SGCD: variants seen among roughly 807,000 people sequenced by gnomAD.
SGCD encodes sarcoglycan delta, also known as delta-sarcoglycan.
In SGCD, 18 loss-of-function variants were observed where a neutral mutation model predicts 36.6. The observed-to-expected ratio is 0.49, with a 90% CI of 0.34 to 0.73. The LOEUF (loss-of-function observed/expected upper bound fraction) is 0.73, where lower values mean the gene tolerates loss of function less well. Ranked by LOEUF, SGCD falls within the 30% of genes least tolerant of loss-of-function variation. SGCD has a pLI of 0.01. For synonymous variants in SGCD, 133 were observed against 130.6 expected, an observed-to-expected ratio of 1.02 and a Z score of -0.12; for missense variants, 387 against 346.7, an observed-to-expected ratio of 1.12 and a Z score of -0.92.
At chr5:156,699,104 C>A (rs906580901) in intron 7 of SGCD, among the ~76,000 whole-genome samples, 4 of 152,182 alleles carry the variant, frequency 2.6e-5, no homozygotes, top group African/African-American at 4.8e-5. Flanking sequence ...TGAAATTAAA[C>A]ATTCTGAACA....
intron 7 of SGCD, among the ~76,000 whole-genome samples, chr5:156,648,152 CCT>C (rs1488653194): frequency 2.0e-5 from 3 of 152,100 alleles, no homozygotes; most frequent in Admixed American, 1.3e-4. Flanking sequence ...CAACCATGCC[CCT>C]GTCCCTCCCG....
chr5:156,437,598 A>C (rs1753298062), intron 3 of SGCD, among the ~76,000 whole-genome samples: 1 of 152,190 alleles, frequency 6.6e-6, no homozygotes, highest in East Asian at 1.9e-4. Flanking sequence ...CAATGCAAAC[A>C]GTATTGCATT....
At chr5:156,646,209 G>A (rs764251384) in intron 6 of SGCD, among the ~76,000 whole-genome samples, 3 of 152,164 alleles carry the variant, frequency 2.0e-5, no homozygotes, top group Non-Finnish European at 4.4e-5. Context: ...TGGGAGTTGA[G>A]GGAGCATGAG....
chr5:155,860,184 G>C, the SGCD span, among the ~76,000 whole-genome samples: 1 of 152,206 alleles, frequency 6.6e-6, no homozygotes, highest in African/African-American at 2.4e-5. Flanking sequence ...CCTGTAGGTA[G>C]AGATACCTGA....
intron 7 of SGCD, among the ~76,000 whole-genome samples, chr5:156,678,409 A>T (rs1753596374): frequency 6.6e-6 from 1 of 152,206 alleles, no homozygotes; most frequent in Admixed American, 6.5e-5. Flanking sequence ...TTTACAGTTG[A>T]CCTTATAACA....
At chr5:156,569,663 G>A (rs1298455813) in intron 4 of SGCD, among the ~76,000 whole-genome samples, 1 of 151,950 alleles carries the variant, frequency 6.6e-6, no homozygotes, top group Non-Finnish European at 1.5e-5. Flanking sequence ...CATGCTAAGT[G>A]AAATGTGGAA....
chr5:156,359,466 G>A (rs181869808), intron 3 of SGCD, among the ~76,000 whole-genome samples: 78 of 152,226 alleles, frequency 5.1e-4, no homozygotes, highest in Admixed American at 7.9e-4. Flanking sequence ...AATTACCCTC[G>A]TTTCCCAGAT....
chr5:156,304,418 A>G (rs6556541), intron 3 of SGCD, among the ~76,000 whole-genome samples: 114,307 of 151,976 alleles, frequency 0.75, 44,022 homozygotes, highest in African/African-American at 0.92. Context: ...CCCTGCAAAC[A>G]CTCTCTCTTT....
intron 3 of SGCD, among the ~76,000 whole-genome samples, chr5:156,177,564 T>A (rs4704985): frequency 4.6e-5 from 7 of 151,906 alleles, no homozygotes; most frequent in Non-Finnish European, 1.0e-4. Context: ...TTTGTTTGTT[T>A]AATGAGCTAT....
At chr5:156,160,931 G>C (rs977968520) in intron 3 of SGCD, among the ~76,000 whole-genome samples, 1 of 151,682 alleles carries the variant, frequency 6.6e-6, no homozygotes, top group African/African-American at 2.4e-5. Flanking sequence ...CAAGGCCTCT[G>C]TCAGGACAAA....
intron 3 of SGCD, among the ~76,000 whole-genome samples, chr5:156,490,038 A>G (rs1409109378): frequency 6.6e-6 from 1 of 152,004 alleles, no homozygotes; most frequent in African/African-American, 2.4e-5. Context: ...AGACATTACA[A>G]CTGATCCGAC....
rs576632739 is a variant in SGCD at position 156,761,556 on chromosome 5, A to T, written c.*2166A>T. 6.6e-6 allele frequency: 1 copy of T among 152,206 alleles called. No homozygotes were observed. Among genetic ancestry groups the T allele is most frequent in the Non-Finnish European group, 1.5e-5 (1 of 68,042 alleles). The allele number at this position is 152,206 out of a possible 1,614,324, so 9.4% of individuals were successfully genotyped here. On this transcript the variant is annotated 3_prime_UTR_variant, in exon 9 of 9. Transcript: ENST00000337851. Reference sequence around the variant, plus strand: ...CCCTCCTTGGCTACTAGGAGCACCTATCCCATATCATTCAGATAAACAATG... The same window carrying T: ...CCCTCCTTGGCTACTAGGAGCACCTTTCCCATATCATTCAGATAAACAATG...
intron 1 of SGCD, among the ~76,000 whole-genome samples, chr5:156,051,188 C>T (rs1561697208): frequency 6.9e-6 from 1 of 145,798 alleles, no homozygotes; most frequent in Non-Finnish European, 1.5e-5. Flanking sequence ...CAGAGAGAAA[C>T]CAAGGAAGAG....
At chr5:156,439,278 A>T (rs1156313659) in intron 3 of SGCD, among the ~76,000 whole-genome samples, 1 of 152,138 alleles carries the variant, frequency 6.6e-6, no homozygotes, top group Non-Finnish European at 1.5e-5. Context: ...TGCAGCCAGT[A>T]AGTGAAAGAG....
intron 3 of SGCD, among the ~76,000 whole-genome samples, chr5:156,206,253 A>C (rs1040824203): frequency 6.6e-5 from 10 of 152,064 alleles, no homozygotes; most frequent in Admixed American, 5.2e-4. Flanking sequence ...TGGTGTGTTC[A>C]ACCAGTCTTC....
At chr5:156,466,021 G>T (rs1215017585) in intron 3 of SGCD, among the ~76,000 whole-genome samples, 1 of 152,186 alleles carries the variant, frequency 6.6e-6, no homozygotes, top group African/African-American at 2.4e-5. Flanking sequence ...TCCCCTTTGG[G>T]ACAATATCTT....
At chr5:156,269,453 G>A (rs1192328883) in intron 3 of SGCD, among the ~76,000 whole-genome samples, 2 of 109,874 alleles carry the variant, frequency 1.8e-5, no homozygotes, top group African/African-American at 7.1e-5. Flanking sequence ...CTAGGGGACA[G>A]AGTGAGACTC....
chr5:156,550,875 A>G (rs761631773), intron 4 of SGCD, among the ~76,000 whole-genome samples: 1 of 152,256 alleles, frequency 6.6e-6, no homozygotes, highest in Non-Finnish European at 1.5e-5. Context: ...AGCATCCTTC[A>G]TGAAGACGGC....
chr5:156,240,915 T>C (rs1414293514), intron 3 of SGCD, among the ~76,000 whole-genome samples: 4 of 152,202 alleles, frequency 2.6e-5, no homozygotes, highest in Admixed American at 2.6e-4. Flanking sequence ...ATTTGAGAAG[T>C]TGAAGAATGT....
Sources: gnomAD v4.1 joint callset for allele counts (sites outside exome capture counted in the v4.1 genomes callset) on GRCh38, gnomAD v4.1.1 for gene constraint, MANE v1.5 for transcripts, NCBI Gene and HGNC (gene_info 2026-07-23, HGNC 2026-07-21) for gene names.